Variants in CFAP20DC observed in about 807,000 individuals in gnomAD.
CFAP20DC encodes the protein CFAP20 domain containing, also known as protein CFAP20DC.
Under a neutral mutation model 101.7 loss-of-function variants are expected in CFAP20DC, and 84 were observed. The observed-to-expected ratio is 0.83, with a 90% confidence interval of 0.69 to 0.99. The LOEUF (loss-of-function observed/expected upper bound fraction) is 0.99, where lower values mean the gene tolerates loss of function less well. CFAP20DC is among the 50% of genes least tolerant of loss of function. CFAP20DC has a pLI of 0.00. For missense variants in CFAP20DC, 1,007 were observed against 970.3 expected (o/e 1.04, Z -0.50); for synonymous variants, 359 against 351.2 (o/e 1.02, Z -0.25).
intron 6 of CFAP20DC, among the ~76,000 whole-genome samples, chr3:58,910,042 C>T (rs939134574): frequency 1.3e-5 from 2 of 152,102 alleles, no homozygotes; most frequent in Non-Finnish European, 2.9e-5. Flanking sequence ...ACTTCATCCA[C>T]GTCCCTGCAA....
chr3:58,757,748 A>G (rs942172875), intron 15 of CFAP20DC, among the ~76,000 whole-genome samples: 3 of 152,078 alleles, frequency 2.0e-5, no homozygotes, highest in African/African-American at 7.2e-5. Context: ...ATCTAATTTT[A>G]CCTCTTTAAA....
chr3:58,840,670 T>C (rs566406752), intron 13 of CFAP20DC, among the ~76,000 whole-genome samples: 1 of 152,290 alleles, frequency 6.6e-6, no homozygotes, highest in African/African-American at 2.4e-5. Flanking sequence ...TTTATGAATT[T>C]GAGAAGGTTT....
chr3:58,985,358 C>T (rs1057204314), intron 4 of CFAP20DC, among the ~76,000 whole-genome samples: 1 of 152,128 alleles, frequency 6.6e-6, no homozygotes, highest in African/African-American at 2.4e-5. Context: ...CAATATCCAT[C>T]ATCCCTGGCC....
At chr3:59,018,838 T>C (rs2093742912) in intron 4 of CFAP20DC, 2 of 152,098 alleles carry the variant, frequency 1.3e-5, no homozygotes, top group Admixed American at 1.3e-4. Context: ...GTAGTGAACG[T>C]CTTTGTCCTT....
chr3:58,983,958 G>C (rs955170128), intron 4 of CFAP20DC, among the ~76,000 whole-genome samples: 1 of 152,152 alleles, frequency 6.6e-6, no homozygotes. Context: ...CTTCACCCTT[G>C]ACCCAGAAAT....
At chr3:58,931,055 T>C (rs985263954) in intron 5 of CFAP20DC, among the ~76,000 whole-genome samples, 1 of 152,070 alleles carries the variant, frequency 6.6e-6, no homozygotes, top group East Asian at 1.9e-4. Context: ...GAAAATTGGG[T>C]CACTCCCACC....
chr3:58,903,056 C>T (rs927308817), intron 6 of CFAP20DC, among the ~76,000 whole-genome samples: 1 of 151,980 alleles, frequency 6.6e-6, no homozygotes, highest in African/African-American at 2.4e-5. Flanking sequence ...GGATACATAT[C>T]GTATCAGATA....
chr3:58,923,354 T>C (rs1183866929), intron 5 of CFAP20DC, among the ~76,000 whole-genome samples: 2 of 152,220 alleles, frequency 1.3e-5, no homozygotes, highest in Non-Finnish European at 2.9e-5. Flanking sequence ...CCATGTAGTA[T>C]ATATAATTTT....
At position 59,046,260 on chromosome 3, in the gene CFAP20DC, T is replaced by C; in HGVS notation, c.174A>G (p.Lys58=). The stretch of plus-strand genomic sequence containing the variant: ...GCTTATTCTCCTTTGGTAACTGAAT[T>C]TTGTTTGTTTGGCTGCTGCCTTCCA... The part of the protein sequence containing the change: ...FVLEGSSQTN[K]IQLPKENKQS... Residue 58 remains lysine, a synonymous_variant, in exon 3 of 17, where the codon AAA becomes AAG. Transcript: ENST00000482387. The C allele has an allele frequency of 2.0e-6, 3 of 1,532,764 alleles. No individual in the cohort carries two copies. Among genetic ancestry groups the C allele is most frequent in the Non-Finnish European group, 2.6e-6 (3 of 1,145,678 alleles). 94.9% of individuals were successfully genotyped at this position (1,532,764 alleles called of 1,614,324 possible).
intron 15 of CFAP20DC, among the ~76,000 whole-genome samples, chr3:58,793,627 A>G (rs909501603): frequency 1.3e-5 from 2 of 152,152 alleles, no homozygotes; most frequent in African/African-American, 2.4e-5. Context: ...TTAGTGGCCA[A>G]TGTATAGATT....
intron 4 of CFAP20DC, among the ~76,000 whole-genome samples, chr3:58,961,473 GAACCC>G (rs1045145873): frequency 2.0e-5 from 3 of 152,114 alleles, no homozygotes; most frequent in African/African-American, 7.2e-5. Flanking sequence ...TGAATTGCTT[GAACCC>G]AGGAGGCAGA....
intron 4 of CFAP20DC, among the ~76,000 whole-genome samples, chr3:58,966,032 C>A (rs2091494202): frequency 6.6e-6 from 1 of 152,214 alleles, no homozygotes; most frequent in African/African-American, 2.4e-5. Flanking sequence ...TTGCATCAGT[C>A]TGGGAAGTAT....
intron 5 of CFAP20DC, among the ~76,000 whole-genome samples, chr3:58,928,439 A>T (rs2086221909): frequency 6.6e-6 from 1 of 152,156 alleles, no homozygotes; most frequent in Admixed American, 6.5e-5. Context: ...TATGCTTATT[A>T]ATTCATGTAA....
chr3:58,847,993 A>T, intron 13 of CFAP20DC, among the ~76,000 whole-genome samples: 1 of 120,848 alleles, frequency 8.3e-6, no homozygotes, highest in Non-Finnish European at 1.7e-5. Flanking sequence ...CAGGAAGGGG[A>T]ATATCACACT....
At chr3:58,840,685 T>C (rs1320149430) in intron 13 of CFAP20DC, among the ~76,000 whole-genome samples, 2 of 152,224 alleles carry the variant, frequency 1.3e-5, no homozygotes, top group Non-Finnish European at 2.9e-5. Context: ...AGGTTTCATT[T>C]GCTTTAGAAT....
At chr3:58,754,876 G>A (rs1007228306) in intron 15 of CFAP20DC, among the ~76,000 whole-genome samples, 3 of 152,034 alleles carry the variant, frequency 2.0e-5, no homozygotes, top group Non-Finnish European at 4.4e-5. Flanking sequence ...TTGAGTGTTA[G>A]GATTAAACAG....
rs2084365611 is a variant in CFAP20DC, at chr3:58,913,577, G to A, written c.550+131C>T. On this transcript the variant is annotated intron_variant, in intron 6 of 16. Coordinates refer to ENST00000482387, the MANE Select transcript of CFAP20DC (RefSeq NM_001394063.1). The surrounding 1 kb of genome is among the most constrained non-coding windows in gnomAD (Gnocchi z 4.4). Reference sequence around the variant, plus strand: ...TGATCTAGAACAAAGAAATCAGCATGACTGTTGACAAATTTACTTTAGCAG... The same window carrying A: ...TGATCTAGAACAAAGAAATCAGCATAACTGTTGACAAATTTACTTTAGCAG... 1.2e-6 allele frequency: 1 copy of A among 848,838 alleles called. No homozygotes were observed. Among genetic ancestry groups the A allele is most frequent in the Non-Finnish European group, 2.0e-6 (1 of 509,768 alleles). 52.6% of individuals were successfully genotyped at this position (848,838 alleles called of 1,614,324 possible). A position where few individuals can be genotyped will look rare whatever the true frequency, so the allele number is the denominator to read the frequency against.
At position 58,863,981 on chromosome 3, in the gene CFAP20DC, A is replaced by G; in HGVS notation, c.1259-89T>C. ...TTTATTTTTAGTTTTAGTTTTTGAG[A>G]CAGTCTCACTCTGCCGCCTAGGCTG... On this transcript the variant is annotated intron_variant, in intron 11 of 16. Coordinates refer to ENST00000482387, the MANE Select transcript of CFAP20DC (RefSeq NM_001394063.1). The surrounding 1 kb of genome is among the most constrained non-coding windows in gnomAD (Gnocchi z 5.9). 8 of 1,285,872 alleles carry G rather than the reference A, an allele frequency of 6.2e-6. No individual in the cohort carries two copies. Among genetic ancestry groups the G allele is most frequent in the Admixed American group, 2.8e-5 (1 of 35,866 alleles). 79.7% of individuals were successfully genotyped at this position (1,285,872 alleles called of 1,614,324 possible).
chr3:59,016,803 T>G (rs1044877097), intron 4 of CFAP20DC, among the ~76,000 whole-genome samples: 3 of 152,122 alleles, frequency 2.0e-5, no homozygotes, highest in African/African-American at 7.2e-5. Context: ...ATGTTGCTCA[T>G]GCAGGAACTA....
Sources: allele counts gnomAD v4.1 joint callset (sites outside exome capture counted in the v4.1 genomes callset), GRCh38; gene constraint gnomAD v4.1.1; non-coding constraint Gnocchi (gnomAD v3.1); transcripts MANE v1.5; gene names NCBI Gene and HGNC (gene_info 2026-07-23, HGNC 2026-07-21).